NT5M: variants seen among roughly 807,000 people sequenced by gnomAD.
The protein encoded by NT5M is 5'(3')-deoxyribonucleotidase, mitochondrial.
Under a neutral mutation model 22.2 loss-of-function variants are expected in NT5M, and 22 were observed. That is an observed-to-expected ratio of 0.99 (90% CI 0.71 to 1.41). The LOEUF is 1.41. Among genes scored for constraint, NT5M ranks in the 40% most tolerant of loss-of-function variants. The pLI is 0.00. For missense variants in NT5M, 322 were observed against 314.8 expected (o/e 1.02, Z -0.17); for synonymous variants, 167 against 133.0 (o/e 1.26, Z -1.76).
At chr17:17,316,777 G>A (rs1354810915) in intron 2 of NT5M, among the ~76,000 whole-genome samples, 2 of 143,152 alleles carry the variant, frequency 1.4e-5, no homozygotes, top group Admixed American at 1.4e-4. Flanking sequence ...ATGCAGTGGC[G>A]CAATCTCAGC....
chr17:17,344,644 A>C, intron 3 of NT5M, 150 bp from the exon 4 acceptor site: 2 of 897,540 alleles, frequency 2.2e-6, no homozygotes, highest in East Asian at 5.1e-5. Flanking sequence ...CCCAGCACTG[A>C]CTGCCTGGCG....
rs2049225485 is a variant in NT5M at position 17,324,505 on chromosome 17, A to AC, written c.429+1260_429+1261insC. On this transcript the variant is annotated intron_variant, in intron 3 of 4. Coordinates refer to ENST00000389022, the MANE Select transcript of NT5M (RefSeq NM_020201.4). ...CCCCCACAAAAAAACTTAATTTAAA[A>AC]AAAAAAAAAGAAATTCACACATTCA... is the stretch of plus-strand genomic sequence containing the variant. Among the ~76,000 whole-genome samples the AC allele has an allele frequency of 4.6e-5, 7 of 150,660 alleles. No individual in the cohort carries two copies. In the South Asian group the frequency reaches 1.5e-3, roughly 32 times the overall value.
intron 3 of NT5M, among the ~76,000 whole-genome samples, chr17:17,332,707 T>C (rs1479551522): frequency 6.6e-6 from 1 of 152,180 alleles, no homozygotes; most frequent in Non-Finnish European, 1.5e-5. Flanking sequence ...CAGACCCTTG[T>C]CAGGCAAATC....
intron 4 of NT5M, chr17:17,345,304 G>T: frequency 4.0e-6 from 4 of 1,006,112 alleles, no homozygotes; most frequent in Non-Finnish European, 4.8e-6. Flanking sequence ...CAGAGCTCCT[G>T]CAGGGAAGGT....
chr17:17,327,031 C>T (rs921670102), intron 3 of NT5M, among the ~76,000 whole-genome samples: 1 of 151,816 alleles, frequency 6.6e-6, no homozygotes, highest in Non-Finnish European at 1.5e-5. Context: ...CCTGCCTCAG[C>T]CTCCTTAGTA....
rs74663123 is a variant in NT5M at position 17,321,235 on chromosome 17, G to A, written c.369-1950G>A. Among the ~76,000 whole-genome samples, 247 of 152,172 alleles carry A rather than the reference G, an allele frequency of 1.6e-3. 5 individuals carry two copies. In the East Asian group the frequency reaches 0.039, roughly 24 times the overall value. On this transcript the variant is annotated intron_variant, in intron 2 of 4. Transcript: ENST00000389022. The stretch of plus-strand genomic sequence containing the variant: ...GCAAGCGGGCATTCGGGAGGTGCCA[G>A]CATGCGTTTGAATGAGGTTCATGGA...
intron 2 of NT5M, among the ~76,000 whole-genome samples, chr17:17,320,241 GC>G (rs1352677799): frequency 1.3e-5 from 2 of 152,296 alleles, no homozygotes; most frequent in East Asian, 3.9e-4. Context: ...CCTCTGTAAA[GC>G]TGTTTAAAAA....
rs763247735 is a variant in NT5M, at chr17:17,346,913, G to A, written c.653G>A (p.Trp218Ter). 10 of 1,611,484 alleles carry A rather than the reference G, an allele frequency of 6.2e-6. No individual in the cohort carries two copies. The Admixed American group carries it at 1.2e-4, about 19-fold the overall frequency. The change falls in exon 5 of 5, where the codon TGG (tryptophan) becomes TAG (stop). Residue 218 changes from tryptophan to a stop codon, truncating the protein, a stop_gained. Transcript: ENST00000389022. LOFTEE classifies it high-confidence loss of function. ...RRRLHSWADD[W>*]KAILDSKRPC is the part of the protein sequence containing the mutation. The stretch of plus-strand genomic sequence containing the variant: ...AGGCTGCACTCGTGGGCGGACGACT[G>A]GAAGGCCATTCTGGACAGCAAGCGG...
intron 3 of NT5M, among the ~76,000 whole-genome samples, chr17:17,336,505 G>A (rs955187297): frequency 2.0e-5 from 3 of 151,210 alleles, no homozygotes; most frequent in African/African-American, 7.3e-5. Context: ...ATGACCTCCA[G>A]TGCCATCCAT....
At position 17,328,257 on chromosome 17, in the gene NT5M, G is replaced by C. The variant is rs570537088; in HGVS notation, c.429+5012G>C. ...GAGGAATTCAGGGTGAATTTTGTTG[G>C]CCAGTGGCTACAGGGGCTGATTGGG... On this transcript the variant is annotated intron_variant, in intron 3 of 4. Transcript: ENST00000389022. Among the ~76,000 whole-genome samples, 9 of 152,274 alleles carry C rather than the reference G, an allele frequency of 5.9e-5. No individual in the cohort carries two copies. In the South Asian group the frequency reaches 1.9e-3, roughly 32 times the overall value.
chr17:17,313,388 C>T (rs2048960020), intron 2 of NT5M, among the ~76,000 whole-genome samples: 1 of 152,168 alleles, frequency 6.6e-6, no homozygotes, highest in African/African-American at 2.4e-5. Flanking sequence ...AAATCTAGAC[C>T]ATACCCAGTG....
chr17:17,313,511 A>G lies in NT5M; in HGVS notation c.368+6868A>G, dbSNP rs139680214. On this transcript the variant is annotated intron_variant, in intron 2 of 4. Coordinates refer to ENST00000389022, the MANE Select transcript of NT5M (RefSeq NM_020201.4). ...TCAGTAACTGAGTGGATAACTGTGT[A>G]TCTGGTGCTGAAGTGGGCACTGAGT... Among the ~76,000 whole-genome samples the G allele has an allele frequency of 4.5e-3, 685 of 152,296 alleles. 5 individuals are homozygous for G. Among genetic ancestry groups the G allele is most frequent in the African/African-American group, 0.016 (649 of 41,558 alleles).
intron 3 of NT5M, among the ~76,000 whole-genome samples, chr17:17,337,739 T>A (rs2049547546): frequency 6.6e-6 from 1 of 152,230 alleles, no homozygotes; most frequent in Admixed American, 6.5e-5. Context: ...TTGCCCATTT[T>A]AAAATCAGAT....
At chr17:17,341,776 A>G (rs1205391782) in intron 3 of NT5M, among the ~76,000 whole-genome samples, 1 of 152,204 alleles carries the variant, frequency 6.6e-6, no homozygotes, top group Non-Finnish European at 1.5e-5. Flanking sequence ...CATGCCTGTA[A>G]TCCCAGCACT....
chr17:17,314,040 C>CT (rs71281038), intron 2 of NT5M, among the ~76,000 whole-genome samples: 85 of 143,268 alleles, frequency 5.9e-4, no homozygotes, highest in South Asian at 1.1e-3. Flanking sequence ...TGAATATATT[C>CT]TTTTTTTTTT....
At position 17,344,896 on chromosome 17, in the gene NT5M, C is replaced by T; in HGVS notation, c.532C>T (p.Pro178Ser). Residue 178 changes from proline (P) to serine (S), a missense_variant, in exon 4 of 5, where the codon CCG becomes TCG. Pro to Ser is a moderately conservative substitution (Grantham distance 74, BLOSUM62 -1). Transcript: ENST00000389022. Reference protein sequence around the residue: ...VSADLLIDDRPDITGAEPTPS... With the variant: ...VSADLLIDDRSDITGAEPTPS... ...TGCTGACCTTCTCATAGACGACCGGCCGGACATCACAGGCAAGTGGCCTGC... is the reference window on the plus strand; with the variant it reads ...TGCTGACCTTCTCATAGACGACCGGTCGGACATCACAGGCAAGTGGCCTGC... The T allele has an allele frequency of 6.2e-7, 1 of 1,614,156 alleles. No individual in the cohort carries two copies. Among genetic ancestry groups the T allele is most frequent in the African/African-American group, 1.3e-5 (1 of 75,060 alleles).
intron 4 of NT5M, among the ~76,000 whole-genome samples, chr17:17,346,179 C>A (rs1319646167): frequency 1.4e-5 from 2 of 141,930 alleles, no homozygotes; most frequent in Non-Finnish European, 3.1e-5. Flanking sequence ...CCGCCAGAGT[C>A]AGGGCAGACA....
At chr17:17,312,610 C>T (rs1445000395) in intron 2 of NT5M, among the ~76,000 whole-genome samples, 2 of 146,094 alleles carry the variant, frequency 1.4e-5, no homozygotes, top group Non-Finnish European at 3.0e-5. Context: ...CGCCATTGTA[C>T]TCCAGCCTGG....
At chr17:17,334,068 C>T (rs1298202299) in intron 3 of NT5M, among the ~76,000 whole-genome samples, 1 of 151,520 alleles carries the variant, frequency 6.6e-6, no homozygotes, top group Admixed American at 6.6e-5. Flanking sequence ...CTCCTGACCT[C>T]ATGATCCGCC....
Sources: allele counts gnomAD v4.1 joint callset (sites outside exome capture counted in the v4.1 genomes callset), GRCh38; gene constraint gnomAD v4.1.1; transcripts MANE v1.5; gene names NCBI Gene and HGNC (gene_info 2026-07-23, HGNC 2026-07-21).